Variants in HNF1A observed in about 807,000 individuals in gnomAD.
The protein encoded by HNF1A is hepatocyte nuclear factor 1-alpha.
A neutral mutation model predicts 62.2 loss-of-function variants in HNF1A; 21 were observed. That is an observed-to-expected ratio of 0.34 (90% CI 0.24 to 0.49). The LOEUF (loss-of-function observed/expected upper bound fraction) is 0.49, where lower values mean the gene tolerates loss of function less well. HNF1A is among the 20% of genes least tolerant of loss of function. The pLI, the probability that HNF1A is intolerant of heterozygous loss-of-function variation, is 0.99. For missense variants in HNF1A, 687 were observed against 832.3 expected, an observed-to-expected ratio of 0.83 and a Z score of 2.15; for synonymous variants, 374 against 366.8, an observed-to-expected ratio of 1.02 and a Z score of -0.22.
intron 7 of HNF1A, chr12:120,998,280 CAA>C (rs36059178): frequency 2.2e-3 from 305 of 140,238 alleles, no homozygotes; most frequent in Admixed American, 4.0e-3. Context: ...AGTACTCTGC[CAA>C]AAAAAAAAAA....
Position 120,994,350 on chromosome 12 carries a change from C to T in HNF1A, c.900C>T (p.Pro300=), listed in dbSNP as rs762555237. ...PPGPGPGPAL[P]AHSSPGLPPP... is the part of the protein sequence containing the mutation. ...GGCCAGGCCCGGGACCTGCGCTGCC[C>T]GCTCACAGCTCCCCTGGCCTGCCTC... Residue 300 remains proline (P), a synonymous_variant, in exon 4 of 10, where the codon CCC becomes CCT. Transcript: ENST00000257555. 207 of 1,601,486 alleles carry T rather than the reference C, an allele frequency of 1.3e-4. 1 individual carries two copies. In the East Asian group the frequency reaches 2.3e-3, roughly 18 times the overall value.
chr12:120,999,148 A>G, intron 7 of HNF1A, 120 bp from the exon 8 acceptor site: 1 of 1,236,662 alleles, frequency 8.1e-7, no homozygotes, highest in Admixed American at 1.7e-5. Context: ...CTGGATCTCC[A>G]ACTGCTGCCC....
At chr12:120,999,147 C>T in intron 7 of HNF1A, 121 bp from the exon 8 acceptor site, 3 of 1,229,022 alleles carry the variant, frequency 2.4e-6, no homozygotes, top group Non-Finnish European at 3.6e-6. Context: ...CCTGGATCTC[C>T]AACTGCTGCC....
In HNF1A at chr12:120,994,504, T is replaced by C. The variant is rs909676989; in HGVS notation, c.955+99T>C. The C allele has an allele frequency of 3.7e-6, 5 of 1,365,122 alleles. No individual in the cohort carries two copies. The African/African-American group carries it at 7.2e-5, about 20-fold the overall frequency. 84.6% of individuals were successfully genotyped at this position (1,365,122 alleles called of 1,614,324 possible). On this transcript the variant is annotated intron_variant, in intron 4 of 9. Transcript: ENST00000257555. ...TCACCTAAACCTCTTTGCACTTCAGTTTGGTTCCATTCCATTCATGCCACT... is the reference window on the plus strand; with the variant it reads ...TCACCTAAACCTCTTTGCACTTCAGCTTGGTTCCATTCCATTCATGCCACT...
intron 7 of HNF1A, 94 bp from the exon 8 acceptor site, chr12:120,999,174 C>T: frequency 6.8e-7 from 1 of 1,478,362 alleles, no homozygotes; most frequent in South Asian, 1.1e-5. Flanking sequence ...GGCTGTTCAG[C>T]AGGCCCCATG....
rs1021001131 is a variant in HNF1A at position 120,979,143 on chromosome 12, C to T, written c.326+49C>T. The T allele has an allele frequency of 5.3e-6, 8 of 1,505,108 alleles. No individual in the cohort carries two copies. In the African/African-American group the frequency reaches 5.5e-5, roughly 10 times the overall value. 93.2% of individuals were successfully genotyped at this position (1,505,108 alleles called of 1,614,324 possible). ...GCTCCCAGGAGAGCCTAGAGGGGCC[C>T]CCCTCAGCTCCTAACGAGCCCCCCT... On this transcript the variant is annotated intron_variant, in intron 1 of 9. Coordinates refer to ENST00000257555, the MANE Select transcript of HNF1A (RefSeq NM_000545.8).
In HNF1A at chr12:120,999,629, TGA is replaced by T. The variant is rs1877324336; in HGVS notation, c.1768+6_1768+7del. On this transcript the variant is annotated splice_donor_region_variant and intron_variant, in intron 9 of 9. Transcript: ENST00000257555. ...ACCGGCTCAGCGCCAGCCCCACAGG[TGA>T]GAGGCCCTGGCTCCACCCCCTCCCT... 6.2e-7 allele frequency: 1 copy of T among 1,607,996 alleles called. No homozygotes were observed. The highest frequency in any genetic ancestry group is 8.5e-7 in the Non-Finnish European group (1 of 1,178,830).
chr12:120,979,949 G>A (rs1191248030), intron 1 of HNF1A, among the ~76,000 whole-genome samples: 1 of 152,318 alleles, frequency 6.6e-6, no homozygotes, highest in African/African-American at 2.4e-5. Flanking sequence ...CCCACCTAGT[G>A]GGGGTGGGGG....
In HNF1A at chr12:120,996,207, G is replaced by A; in HGVS notation, c.956-55G>A. 1 of 1,603,122 alleles carries A rather than the reference G, an allele frequency of 6.2e-7. No individual in the cohort carries two copies. Among genetic ancestry groups the A allele is most frequent in the South Asian group, 1.1e-5 (1 of 90,824 alleles). On this transcript the variant is annotated intron_variant, in intron 4 of 9. Coordinates refer to ENST00000257555, the MANE Select transcript of HNF1A (RefSeq NM_000545.8). The surrounding 1 kb of genome is among the most constrained non-coding windows in gnomAD (Gnocchi z 4.5). ...GTTTGAAGTGCTGAGGGCTGTGGAG[G>A]CAGGGGAGGGCAGGGAAGTGGGGTG... is the stretch of plus-strand genomic sequence containing the variant.
chr12:120,980,330 G>A (rs532466114), intron 1 of HNF1A, among the ~76,000 whole-genome samples: 7 of 152,178 alleles, frequency 4.6e-5, no homozygotes, highest in African/African-American at 1.7e-4. Context: ...CTCCAAAGGG[G>A]CCCATCTCTT....
In HNF1A at chr12:121,002,032, C is replaced by T; in HGVS notation, c.*840C>T. ...CTCGCAACCCGTGCCAAGTCCAGGT[C>T]CTGGTGGGGCAGCTCCTCTGTCTCG... On this transcript the variant is annotated 3_prime_UTR_variant, in exon 10 of 10. Coordinates refer to ENST00000257555, the MANE Select transcript of HNF1A (RefSeq NM_000545.8). 1 of 536,888 alleles carries T rather than the reference C, an allele frequency of 1.9e-6. No homozygotes were observed. The allele number at this position is 536,888 out of a possible 1,614,324, so 33.3% of individuals were successfully genotyped here.
Position 120,996,506 on chromosome 12 carries a change from C to T in HNF1A, c.1108-35C>T, listed in dbSNP as rs747642120. On this transcript the variant is annotated intron_variant, in intron 5 of 9. Transcript: ENST00000257555. The surrounding 1 kb of genome is among the most constrained non-coding windows in gnomAD (Gnocchi z 4.5). Reference sequence around the variant, plus strand: ...CCCTAGGGAGGCCCTGTGGGGACCCCGGCCCCCCGGACACAGCTTGGCTTC... The same window carrying T: ...CCCTAGGGAGGCCCTGTGGGGACCCTGGCCCCCCGGACACAGCTTGGCTTC... 5.8e-5 allele frequency: 94 copies of T among 1,612,050 alleles called. 1 individual carries two copies. The Middle Eastern group carries it at 6.6e-4, about 11-fold the overall frequency.
chr12:121,000,706 A>G (rs1017746629), intron 9 of HNF1A: 3 of 347,428 alleles, frequency 8.6e-6, no homozygotes, highest in Non-Finnish European at 1.7e-5. Flanking sequence ...ACTCAAAGCC[A>G]ACTGATTGTG....
At chr12:120,985,474 T>C (rs1481306045) in intron 1 of HNF1A, among the ~76,000 whole-genome samples, 10 of 147,210 alleles carry the variant, frequency 6.8e-5, no homozygotes, top group Non-Finnish European at 7.5e-5. Flanking sequence ...AGCAAGACCC[T>C]GTCTCTATGA....
At chr12:120,985,841 T>G (rs1475970381) in intron 1 of HNF1A, among the ~76,000 whole-genome samples, 1 of 151,638 alleles carries the variant, frequency 6.6e-6, no homozygotes, top group Non-Finnish European at 1.5e-5. Context: ...AAAAATTAGC[T>G]GGGTGTGGTA....
Position 120,997,596 on chromosome 12 carries a change from C to A in HNF1A, c.1432C>A (p.Pro478Thr), listed in dbSNP as rs1383989627. 2 of 1,613,842 alleles carry A rather than the reference C, an allele frequency of 1.2e-6. No homozygotes were observed. The highest frequency in any genetic ancestry group is 1.7e-6 in the Non-Finnish European group (2 of 1,179,980). ...LHPSYQQPLM[P>T]PVQSHVTQSP... ...CCCCTCCTACCAGCAGCCGCTCATG[C>A]CACCTGTGCAGAGCCATGTGACCCA... is the stretch of plus-strand genomic sequence containing the variant. The change falls in exon 7 of 10, where the codon CCA (proline) becomes ACA (threonine). Residue 478 changes from proline to threonine, a missense_variant. By Grantham distance (38) the Pro-to-Thr change is conservative. Transcript: ENST00000257555.
At position 120,996,201 on chromosome 12, in the gene HNF1A, G is replaced by A. The variant is rs1352747072; in HGVS notation, c.956-61G>A. The A allele has an allele frequency of 1.9e-6, 3 of 1,598,720 alleles. No individual in the cohort carries two copies. Among genetic ancestry groups the A allele is most frequent in the Non-Finnish European group, 2.6e-6 (3 of 1,168,590 alleles). On this transcript the variant is annotated intron_variant, in intron 4 of 9. Transcript: ENST00000257555. The surrounding 1 kb of genome is among the most constrained non-coding windows in gnomAD (Gnocchi z 4.5). Reference sequence around the variant, plus strand: ...AATGGAGTTTGAAGTGCTGAGGGCTGTGGAGGCAGGGGAGGGCAGGGAAGT... The same window carrying A: ...AATGGAGTTTGAAGTGCTGAGGGCTATGGAGGCAGGGGAGGGCAGGGAAGT...
At position 120,978,672 on chromosome 12, in the gene HNF1A, T is replaced by C; in HGVS notation, c.-97T>C. ...GGGGCAGTGGGTGCAAGGAGTTTGG[T>C]TTGTGTCTGCCGGCCGGCAGGCAAA... On this transcript the variant is annotated 5_prime_UTR_variant, in exon 1 of 10. Transcript: ENST00000257555. 8.4e-7 allele frequency: 1 copy of C among 1,184,414 alleles called. No homozygotes were observed. The highest frequency in any genetic ancestry group is 1.3e-6 in the Non-Finnish European group (1 of 799,298). 73.4% of individuals were successfully genotyped at this position (1,184,414 alleles called of 1,614,324 possible).
rs778552446 is a variant in HNF1A, at chr12:120,996,290, T to G, written c.984T>G (p.Ser328Arg). The stretch of plus-strand genomic sequence containing the variant: ...TGCGCTATGGACAGCCTGCGACCAG[T>G]GAGACTGCAGAAGTACCCTCAAGCA... ...HGVRYGQPAT[S>R]ETAEVPSSSG... Residue 328 changes from serine (S) to arginine (R), a missense_variant, in exon 5 of 10, where the codon AGT becomes AGG. This residue lies in a region of HNF1A where 408 missense variants were observed against 455.3 expected (regional missense o/e 0.90). Coordinates refer to ENST00000257555, the MANE Select transcript of HNF1A (RefSeq NM_000545.8). This position sits in a 1 kb window ranked among gnomAD's most constrained non-coding sequence, Gnocchi z 4.5. 2 of 1,614,084 alleles carry G rather than the reference T, an allele frequency of 1.2e-6. No homozygotes were observed. Among genetic ancestry groups the G allele is most frequent in the Non-Finnish European group, 1.7e-6 (2 of 1,179,996 alleles).
Sources: gnomAD v4.1 joint callset for allele counts (sites outside exome capture counted in the v4.1 genomes callset) on GRCh38, gnomAD v4.1.1 for gene constraint, gnomAD v4.1.1 regional missense constraint, Gnocchi (gnomAD v3.1) non-coding constraint, MANE v1.5 for transcripts, NCBI Gene and HGNC (gene_info 2026-07-23, HGNC 2026-07-21) for gene names.